Variants in ROBO2 observed in about 807,000 individuals in gnomAD.
ROBO2 encodes roundabout guidance receptor 2.
In ROBO2, 53 loss-of-function variants were observed where a neutral mutation model predicts 160.8. That is an observed-to-expected ratio of 0.33 (90% CI 0.26 to 0.41). The LOEUF (loss-of-function observed/expected upper bound fraction) is 0.41, where lower values mean the gene tolerates loss of function less well. ROBO2 is among the 10% of genes least tolerant of loss of function. The probability of loss-of-function intolerance (pLI) is 1.00; values close to 1 mark genes in which losing one functional copy is unlikely to be tolerated. For missense variants in ROBO2, 1,577 were observed against 1,722.4 expected, an observed-to-expected ratio of 0.92 and a Z score of 1.49; for synonymous variants, 664 against 611.7, an observed-to-expected ratio of 1.09 and a Z score of -1.26.
intron 5 of ROBO2, among the ~76,000 whole-genome samples, chr3:77,502,610 G>A (rs2153608519): frequency 6.6e-6 from 1 of 152,190 alleles, no homozygotes. Context: ...GGTGTGATTG[G>A]CCCTCTCCAT....
chr3:76,373,009 A>G, intron 2 of ROBO2, among the ~76,000 whole-genome samples: 1 of 152,042 alleles, frequency 6.6e-6, no homozygotes, highest in East Asian at 1.9e-4. Context: ...CCAGTTCCAT[A>G]TGTGAGCATC....
At chr3:75,948,559 C>G (rs1948412731) in intron 2 of ROBO2, among the ~76,000 whole-genome samples, 1 of 152,050 alleles carries the variant, frequency 6.6e-6, no homozygotes. Context: ...CTCACATGGA[C>G]TATTGGCTCT....
intron 2 of ROBO2, among the ~76,000 whole-genome samples, chr3:76,002,995 C>T (rs1461735695): frequency 6.6e-6 from 1 of 152,132 alleles, no homozygotes; most frequent in Non-Finnish European, 1.5e-5. Context: ...ACCAGAACCT[C>T]CAACTCTCCA....
At chr3:77,467,915 T>C (rs916186379) in intron 2 of ROBO2, among the ~76,000 whole-genome samples, 3 of 152,260 alleles carry the variant, frequency 2.0e-5, no homozygotes, top group African/African-American at 7.2e-5. Context: ...ACAGAATGTG[T>C]TGGGAGCATG....
At chr3:76,331,407 C>T (rs1021896180) in intron 2 of ROBO2, among the ~76,000 whole-genome samples, 1 of 152,030 alleles carries the variant, frequency 6.6e-6, no homozygotes, top group African/African-American at 2.4e-5. Context: ...CTTTTAATTA[C>T]AAGCTTCTTT....
At chr3:77,632,792 G>T in intron 23 of ROBO2, 1 of 697,620 alleles carries the variant, frequency 1.4e-6, no homozygotes, top group Non-Finnish European at 2.2e-6. Context: ...CAGTTTGGAT[G>T]CTCCATTACC....
intron 2 of ROBO2, among the ~76,000 whole-genome samples, chr3:76,584,023 G>C (rs1219246400): frequency 1.3e-5 from 2 of 152,020 alleles, no homozygotes; most frequent in South Asian, 4.2e-4. Flanking sequence ...ATTTCCCAAG[G>C]CTGCCTTCTT....
intron 2 of ROBO2, among the ~76,000 whole-genome samples, chr3:76,528,873 A>G (rs2082081657): frequency 6.6e-6 from 1 of 152,112 alleles, no homozygotes; most frequent in Admixed American, 6.6e-5. Context: ...GGCAAAATGC[A>G]AAGTGCAGTG....
intron 2 of ROBO2, among the ~76,000 whole-genome samples, chr3:76,491,194 G>A (rs1417173379): frequency 6.6e-6 from 1 of 151,914 alleles, no homozygotes; most frequent in Non-Finnish European, 1.5e-5. Flanking sequence ...TCCTGACCTT[G>A]TGATCCGACC....
intron 2 of ROBO2, among the ~76,000 whole-genome samples, chr3:76,053,184 C>T (rs1031786474): frequency 2.0e-5 from 3 of 151,882 alleles, no homozygotes; most frequent in African/African-American, 4.8e-5. Context: ...TTGCTTTTTA[C>T]GTTAAAGTAC....
At chr3:76,037,506 C>T (rs1176650788) in intron 2 of ROBO2, among the ~76,000 whole-genome samples, 10 of 151,846 alleles carry the variant, frequency 6.6e-5, no homozygotes, top group East Asian at 3.9e-4. Flanking sequence ...CTGCCCTCCT[C>T]GGACTCCCAA....
intron 2 of ROBO2, among the ~76,000 whole-genome samples, chr3:76,125,536 A>G (rs115824250): frequency 6.1e-4 from 93 of 152,134 alleles, no homozygotes; most frequent in African/African-American, 2.2e-3. Flanking sequence ...AACAACAGCC[A>G]TTCTGACTGG....
chr3:76,266,518 C>G (rs1318388646), intron 2 of ROBO2, among the ~76,000 whole-genome samples: 1 of 152,106 alleles, frequency 6.6e-6, no homozygotes, highest in Non-Finnish European at 1.5e-5. Context: ...TGTTCTCTCT[C>G]TGTATGCAAC....
chr3:76,711,076 C>T (rs1214985361), intron 2 of ROBO2, among the ~76,000 whole-genome samples: 1 of 152,074 alleles, frequency 6.6e-6, no homozygotes, highest in East Asian at 1.9e-4. Flanking sequence ...GCTGCTTTTC[C>T]AAGTTTGACT....
intron 2 of ROBO2, among the ~76,000 whole-genome samples, chr3:76,889,357 T>C (rs1199586292): frequency 6.6e-6 from 1 of 152,102 alleles, no homozygotes; most frequent in Admixed American, 6.5e-5. Flanking sequence ...TTATAAGAAA[T>C]GGGTGTCAAG....
chr3:77,558,195 T>A, intron 9 of ROBO2, 46 bp downstream of exon 10: 1 of 1,497,822 alleles, frequency 6.7e-7, no homozygotes, highest in Non-Finnish European at 9.3e-7. Flanking sequence ...TACACATAAG[T>A]ACTGCTCTAT....
At chr3:76,250,894 C>T (rs1705950096) in intron 2 of ROBO2, among the ~76,000 whole-genome samples, 1 of 151,914 alleles carries the variant, frequency 6.6e-6, no homozygotes, top group African/African-American at 2.4e-5. Context: ...AACTTGACTC[C>T]AGGGGTAAAA....
intron 2 of ROBO2, among the ~76,000 whole-genome samples, chr3:76,471,887 C>T (rs1042316139): frequency 6.6e-6 from 1 of 152,112 alleles, no homozygotes; most frequent in Non-Finnish European, 1.5e-5. Flanking sequence ...CATCAGATCT[C>T]ATGAGAACTC....
intron 2 of ROBO2, among the ~76,000 whole-genome samples, chr3:77,399,204 A>G (rs2075574692): frequency 6.6e-6 from 1 of 152,186 alleles, no homozygotes; most frequent in African/African-American, 2.4e-5. Context: ...GTTAACTACT[A>G]AAATAGCCTA....
Sources: gnomAD v4.1 joint callset for allele counts (sites outside exome capture counted in the v4.1 genomes callset) on GRCh38, gnomAD v4.1.1 for gene constraint, MANE v1.5 for transcripts, NCBI Gene and HGNC (gene_info 2026-07-23, HGNC 2026-07-21) for gene names.